SNRK: variants seen among roughly 807,000 people sequenced by gnomAD.
SNRK encodes the protein SNF related kinase, also known as SNF-related serine/threonine-protein kinase.
In SNRK, 3 loss-of-function variants were observed where a neutral mutation model predicts 48.2. The ratio of observed to expected loss-of-function variants is 0.06; its 90% CI spans 0.03 to 0.16. SNRK has a LOEUF of 0.16. Ranked by LOEUF, SNRK falls within the 10% of genes least tolerant of loss-of-function variation. The pLI, the probability that SNRK is intolerant of heterozygous loss-of-function variation, is 1.00. For missense variants in SNRK, 627 were observed against 976.0 expected, an observed-to-expected ratio of 0.64 and a Z score of 4.76; for synonymous variants, 376 against 366.1, an observed-to-expected ratio of 1.03 and a Z score of -0.31.
chr3:43,313,149 G>A (rs767906062), intron 3 of SNRK, among the ~76,000 whole-genome samples: 2 of 152,154 alleles, frequency 1.3e-5, no homozygotes, highest in Non-Finnish European at 2.9e-5. Flanking sequence ...CTGAAAAATA[G>A]TTTGACAGTT....
rs543154243 is a variant in SNRK, at chr3:43,334,599, C to CT, written c.731+2302dup. On this transcript the variant is annotated intron_variant, in intron 4 of 6. Transcript: ENST00000296088. ...TATTAACCTCAAGTATTTATATTATCTTTTTTTTTTTTTGAGATGGAGTCT... is the reference window on the plus strand; with the variant it reads ...TATTAACCTCAAGTATTTATATTATCTTTTTTTTTTTTTTGAGATGGAGTCT... 3.4e-3 allele frequency among the ~76,000 whole-genome samples: 497 copies of CT among 144,794 alleles called. 2 individuals are homozygous for CT. Among genetic ancestry groups the CT allele is most frequent in the African/African-American group, 5.7e-3 (225 of 39,820 alleles). 95.0% of individuals were successfully genotyped at this position (144,794 alleles called of 152,430 possible).
rs971631203 is a variant in SNRK, at chr3:43,342,131, TGTA to T, written c.945-1207_945-1205del. 2.2e-4 allele frequency among the ~76,000 whole-genome samples: 34 copies of T among 152,204 alleles called. 1 individual carries two copies. The highest frequency in any genetic ancestry group is 2.2e-3 in the Admixed American group (34 of 15,284). On this transcript the variant is annotated intron_variant, in intron 5 of 6. Coordinates refer to ENST00000296088, the MANE Select transcript of SNRK (RefSeq NM_017719.5). ...TAGCTTAAATAAATACATATATACA[TGTA>T]GTAGTGTCATCTAGAACTACTTAAT...
chr3:43,316,326 A>G (rs2091013064), intron 3 of SNRK, among the ~76,000 whole-genome samples: 1 of 151,958 alleles, frequency 6.6e-6, no homozygotes, highest in African/African-American at 2.4e-5. Context: ...GTCATCATCC[A>G]TCAGTTTCAC....
chr3:43,341,069 C>T (rs952321517), intron 5 of SNRK, among the ~76,000 whole-genome samples: 109 of 152,262 alleles, frequency 7.2e-4, no homozygotes, highest in African/African-American at 2.5e-3. Context: ...CCCTTGAGAG[C>T]CCCTGCTGCA....
chr3:43,325,460 C>G (rs75740133), intron 3 of SNRK, among the ~76,000 whole-genome samples: 2 of 152,118 alleles, frequency 1.3e-5, no homozygotes, highest in African/African-American at 2.4e-5. Context: ...CCACCGTGCC[C>G]GGCCCAAAAG....
intron 3 of SNRK, among the ~76,000 whole-genome samples, chr3:43,329,519 TTG>T (rs2091129849): frequency 6.6e-6 from 1 of 152,210 alleles, no homozygotes; most frequent in African/African-American, 2.4e-5. Context: ...GGAGAGTCAT[TTG>T]CCCTCTCTGA....
chr3:43,323,789 C>T (rs1290304853), intron 3 of SNRK, among the ~76,000 whole-genome samples: 1 of 152,104 alleles, frequency 6.6e-6, no homozygotes, highest in South Asian at 2.1e-4. Flanking sequence ...GAGTGAATCT[C>T]AATGCATTAT....
Position 43,296,415 on chromosome 3 carries a change from CATATATATATATATAT to C in SNRK, c.-168-3336_-168-3321del, listed in dbSNP as rs371078181. 2.0e-4 allele frequency among the ~76,000 whole-genome samples: 25 copies of C among 127,216 alleles called. No individual in the cohort carries two copies. In the East Asian group the frequency reaches 5.6e-3, roughly 29 times the overall value. The allele number at this position is 127,216 out of a possible 152,430, so 83.5% of individuals were successfully genotyped here. A position where few individuals can be genotyped will look rare whatever the true frequency, so the allele number is the denominator to read the frequency against. ...TGTTTGTATTAGATGGATATACTGG[CATATATATATATATAT>C]ATGTATATATATATATTTAAGCATT... On this transcript the variant is annotated intron_variant, in intron 1 of 6. Coordinates refer to ENST00000296088, the MANE Select transcript of SNRK (RefSeq NM_017719.5).
chr3:43,298,729 A>G (rs919224095), intron 1 of SNRK, among the ~76,000 whole-genome samples: 1 of 152,210 alleles, frequency 6.6e-6, no homozygotes, highest in Non-Finnish European at 1.5e-5. Flanking sequence ...GTTTATTTTC[A>G]TGGGAAGACC....
rs753133251 is a variant in SNRK at position 43,332,217 on chromosome 3, C to T, written c.638C>T (p.Pro213Leu). 4.7e-5 allele frequency: 75 copies of T among 1,600,510 alleles called. No individual in the cohort carries two copies. The highest frequency in any genetic ancestry group is 5.2e-5 in the Admixed American group (3 of 58,008). The change falls in exon 4 of 7, where the codon CCG (proline) becomes CTG (leucine). Residue 213 changes from proline (P) to leucine (L), a missense_variant. This residue lies in a region of SNRK where 147 missense variants were observed against 356.8 expected (regional missense o/e 0.41). Coordinates refer to ENST00000296088, the MANE Select transcript of SNRK (RefSeq NM_017719.5). ...CTTTTCATGTTGGTGTGTGGGCAGC[C>T]GCCCTTTCAAGAAGCCAATGACAGT... ...VILFMLVCGQ[P>L]PFQEANDSET...
intron 6 of SNRK, among the ~76,000 whole-genome samples, chr3:43,344,758 C>T (rs1050022645): frequency 7.2e-5 from 11 of 152,076 alleles, no homozygotes; most frequent in African/African-American, 2.7e-4. Flanking sequence ...AAACCAGAGA[C>T]TGATGCTCAG....
chr3:43,340,733 G>A lies in SNRK; in HGVS notation c.944+234G>A, dbSNP rs115322650. 369 of 529,280 alleles carry A rather than the reference G, an allele frequency of 7.0e-4. 1 individual carries two copies. Among genetic ancestry groups the A allele is most frequent in the Middle Eastern group, 1.0e-3 (2 of 1,980 alleles). The allele number at this position is 529,280 out of a possible 1,614,324, so 32.8% of individuals were successfully genotyped here. A position where few individuals can be genotyped will look rare whatever the true frequency, so the allele number is the denominator to read the frequency against. On this transcript the variant is annotated intron_variant, in intron 5 of 6. Coordinates refer to ENST00000296088, the MANE Select transcript of SNRK (RefSeq NM_017719.5). Reference sequence around the variant, plus strand: ...CCATTGCTGGGTGGTTTCAGTGAGTGCTGTGGCCTTTTCCCCATTCTATAG... The same window carrying A: ...CCATTGCTGGGTGGTTTCAGTGAGTACTGTGGCCTTTTCCCCATTCTATAG...
intron 1 of SNRK, among the ~76,000 whole-genome samples, chr3:43,298,516 A>G (rs897930114): frequency 2.6e-5 from 4 of 152,178 alleles, no homozygotes; most frequent in East Asian, 3.9e-4. Flanking sequence ...CATTCCTGGC[A>G]GGACACTTGC....
Position 43,303,791 on chromosome 3 carries a change from A to C in SNRK, c.588A>C (p.Val196=), listed in dbSNP as rs760043191. ...GTGATGAGTATGATGCACCTGCAGT[A>C]GGTAGGTAACCTCGGTCCAGTATTT... ...LLGDEYDAPA[V]DIWSLGVILF... Residue 196 remains valine (V), a splice_region_variant and synonymous_variant, in exon 3 of 7, where the codon GTA becomes GTC. Coordinates refer to ENST00000296088, the MANE Select transcript of SNRK (RefSeq NM_017719.5). The surrounding 1 kb of genome is among the most constrained non-coding windows in gnomAD (Gnocchi z 6.2). 5 of 1,604,806 alleles carry C rather than the reference A, an allele frequency of 3.1e-6. No homozygotes were observed. In the East Asian group the frequency reaches 1.1e-4, roughly 36 times the overall value.
At chr3:43,339,818 A>AATATATATATAT (rs71083066) in intron 4 of SNRK, among the ~76,000 whole-genome samples, 53 of 66,710 alleles carry the variant, frequency 7.9e-4, no homozygotes, top group South Asian at 1.9e-3. Flanking sequence ...CCATTTCCAA[A>AATATATATATAT]ATATATATAT....
At chr3:43,302,499 GTCAGGT>G (rs1697613668) in intron 2 of SNRK, among the ~76,000 whole-genome samples, 2 of 152,148 alleles carry the variant, frequency 1.3e-5, no homozygotes, top group African/African-American at 4.8e-5. Flanking sequence ...ACCTGCTACT[GTCAGGT>G]TAGAGGAGAT....
At chr3:43,316,187 A>AT (rs1166628372) in intron 3 of SNRK, among the ~76,000 whole-genome samples, 1 of 152,128 alleles carries the variant, frequency 6.6e-6, no homozygotes, top group African/African-American at 2.4e-5. Context: ...TTCCCCACTG[A>AT]TTTTTAGCTG....
chr3:43,347,861 G>C lies in SNRK; in HGVS notation c.1602G>C (p.Arg534=), dbSNP rs1266735097. The C allele has an allele frequency of 1.9e-6, 3 of 1,614,078 alleles. No individual in the cohort carries two copies. Among genetic ancestry groups the C allele is most frequent in the Admixed American group, 1.7e-5 (1 of 60,014 alleles). The change falls in exon 7 of 7, where the codon CGG becomes CGC. Residue 534 remains arginine, a synonymous_variant. Coordinates refer to ENST00000296088, the MANE Select transcript of SNRK (RefSeq NM_017719.5). This position sits in a 1 kb window ranked among gnomAD's most constrained non-coding sequence, Gnocchi z 5.4. ...KRYHRRKSQG[R]GSSCSSSETS... ...ACCACCGGAGGAAAAGTCAGGGCCG[G>C]GGCTCCAGCTGCAGTAGTTCGGAGA... is the stretch of plus-strand genomic sequence containing the variant.
At chr3:43,309,869 T>A (rs2090966693) in intron 3 of SNRK, among the ~76,000 whole-genome samples, 1 of 152,176 alleles carries the variant, frequency 6.6e-6, no homozygotes, top group Admixed American at 6.5e-5. Context: ...TTTGTTTTTT[T>A]AATTTTTTGC....
Sources: allele counts gnomAD v4.1 joint callset (sites outside exome capture counted in the v4.1 genomes callset), GRCh38; gene constraint gnomAD v4.1.1; regional missense constraint gnomAD v4.1.1; non-coding constraint Gnocchi (gnomAD v3.1); transcripts MANE v1.5; gene names NCBI Gene and HGNC (gene_info 2026-07-23, HGNC 2026-07-21).